PLEKHA8: variants seen among roughly 807,000 people sequenced by gnomAD.
PLEKHA8 encodes pleckstrin homology domain-containing family A member 8.
PLEKHA8 carries 36 observed loss-of-function variants against 68.2 expected under a neutral mutation model. That is an observed-to-expected ratio of 0.53 (90% CI 0.40 to 0.70). PLEKHA8 has a LOEUF of 0.70. Among genes scored for constraint, PLEKHA8 ranks in the 30% least tolerant of loss-of-function variants. PLEKHA8 has a pLI of 0.00. For synonymous variants in PLEKHA8, 211 were observed against 216.1 expected (o/e 0.98, Z 0.20); for missense variants, 505 against 615.4 (o/e 0.82, Z 1.90).
At chr7:30,042,831 A>C (rs756163759) in intron 1 of PLEKHA8, among the ~76,000 whole-genome samples, 1 of 152,190 alleles carries the variant, frequency 6.6e-6, no homozygotes, top group Non-Finnish European at 1.5e-5. Flanking sequence ...ACACTTTTGC[A>C]AAGGGCTGAA....
downstream of PLEKHA8, among the ~76,000 whole-genome samples, chr7:30,095,297 G>A (rs1439180502): frequency 6.6e-6 from 1 of 152,184 alleles, no homozygotes; most frequent in African/African-American, 2.4e-5. Flanking sequence ...ATTTTTTCAT[G>A]TGTTTTTTGG....
chr7:30,039,396 TC>T (rs1791350079), intron 1 of PLEKHA8, among the ~76,000 whole-genome samples: 1 of 152,050 alleles, frequency 6.6e-6, no homozygotes, highest in South Asian at 2.1e-4. Flanking sequence ...GCGCCTGTAA[TC>T]CCCACTACTC....
chr7:30,083,893 C>T lies in PLEKHA8; in HGVS notation c.*5106C>T. On this transcript the variant is annotated 3_prime_UTR_variant, in exon 14 of 14. Transcript: ENST00000449726. ...AAGTCGATCTTACCCACACAGACTC[C>T]TGTGTATGCGTGTCTGTTTATAGGT... 2 of 985,406 alleles carry T rather than the reference C, an allele frequency of 2.0e-6. No individual in the cohort carries two copies. The highest frequency in any genetic ancestry group is 2.4e-6 in the Non-Finnish European group (2 of 829,916). 61.0% of individuals were successfully genotyped at this position (985,406 alleles called of 1,614,324 possible). A position where few individuals can be genotyped will look rare whatever the true frequency, so the allele number is the denominator to read the frequency against.
At chr7:30,030,431 A>G (rs893306461) in intron 1 of PLEKHA8, among the ~76,000 whole-genome samples, 1 of 152,180 alleles carries the variant, frequency 6.6e-6, no homozygotes, top group Non-Finnish European at 1.5e-5. Flanking sequence ...CCTTCAATAA[A>G]GCAGAACTCT....
intron 12 of PLEKHA8, among the ~76,000 whole-genome samples, chr7:30,068,736 A>T (rs991938819): frequency 1.3e-5 from 2 of 152,086 alleles, no homozygotes; most frequent in East Asian, 3.9e-4. Flanking sequence ...TTCAGTTTTT[A>T]TGTAATCAGA....
chr7:30,092,677 T>A (rs1008085107), downstream of PLEKHA8, among the ~76,000 whole-genome samples: 7 of 152,204 alleles, frequency 4.6e-5, no homozygotes, highest in African/African-American at 1.7e-4. Context: ...TTGAATGAAC[T>A]GCCTTCTCCA....
Position 30,080,530 on chromosome 7 carries a change from G to T in PLEKHA8, c.*1743G>T, listed in dbSNP as rs1414504538. On this transcript the variant is annotated 3_prime_UTR_variant, in exon 14 of 14. Coordinates refer to ENST00000449726, the MANE Select transcript of PLEKHA8 (RefSeq NM_001197026.2). ...AGAAGTTTATGTAGGGAGGGGTATT[G>T]GTTTTGCCTTTGTGTGTCTTTAAAC... 13 of 985,172 alleles carry T rather than the reference G, an allele frequency of 1.3e-5. No individual in the cohort carries two copies. Among genetic ancestry groups the T allele is most frequent in the Non-Finnish European group, 1.6e-5 (13 of 829,896 alleles). 61.0% of individuals were successfully genotyped at this position (985,172 alleles called of 1,614,324 possible).
chr7:30,090,747 C>T (rs1432265566), downstream of PLEKHA8: 14 of 607,990 alleles, frequency 2.3e-5, no homozygotes, highest in East Asian at 1.4e-4. Flanking sequence ...AAAAGAAATA[C>T]GTATTGTTTC....
chr7:30,074,151 C>T lies in PLEKHA8; in HGVS notation c.1362+19C>T, dbSNP rs1794453530. The T allele has an allele frequency of 6.2e-7, 1 of 1,605,574 alleles. No homozygotes were observed. On this transcript the variant is annotated intron_variant, in intron 13 of 13. Coordinates refer to ENST00000449726, the MANE Select transcript of PLEKHA8 (RefSeq NM_001197026.2). ...TTTTGCGGTAAGTGATCCTTCTTGT[C>T]TCCTATTATTAACTGTATTGGGTAT... is the stretch of plus-strand genomic sequence containing the variant.
intron 13 of PLEKHA8, among the ~76,000 whole-genome samples, chr7:30,098,839 G>A (rs984345926): frequency 3.3e-5 from 5 of 152,164 alleles, no homozygotes; most frequent in African/African-American, 9.6e-5. Flanking sequence ...CCCACTGTCC[G>A]GCACTCCCCA....
At chr7:30,055,377 G>A (rs757600268) in intron 9 of PLEKHA8, 35 bp downstream of exon 9, 3 of 1,575,062 alleles carry the variant, frequency 1.9e-6, no homozygotes, top group Admixed American at 1.7e-5. Context: ...ATTCATTCAT[G>A]TCTAGAATCT....
chr7:30,050,639 A>G, intron 6 of PLEKHA8, 165 bp downstream of exon 6: 6 of 936,586 alleles, frequency 6.4e-6, no homozygotes, highest in Non-Finnish European at 8.9e-6. Context: ...AGCCTGAATC[A>G]ACCCAGAGCA....
intron 1 of PLEKHA8, among the ~76,000 whole-genome samples, chr7:30,029,512 A>G (rs79618068): frequency 1.3e-5 from 2 of 152,160 alleles, no homozygotes; most frequent in Non-Finnish European, 2.9e-5. Flanking sequence ...AAAGCTTCAT[A>G]TCTTGAGAAG....
At chr7:30,053,496 G>A (rs1583816885) in intron 7 of PLEKHA8, among the ~76,000 whole-genome samples, 1 of 151,934 alleles carries the variant, frequency 6.6e-6, no homozygotes, top group Non-Finnish European at 1.5e-5. Context: ...ATTTTTTCTC[G>A]ATGAATTGGG....
chr7:30,052,176 C>T (rs1050060011), intron 6 of PLEKHA8, among the ~76,000 whole-genome samples: 5 of 152,164 alleles, frequency 3.3e-5, no homozygotes, highest in African/African-American at 4.8e-5. Context: ...AAGATTGGGA[C>T]TGCTGAGGTG....
chr7:30,106,354 A>C (rs1378481671), intron 13 of PLEKHA8, among the ~76,000 whole-genome samples: 2 of 152,174 alleles, frequency 1.3e-5, no homozygotes, highest in Non-Finnish European at 2.9e-5. Context: ...ATGAGCCACC[A>C]TGCCTGGCCA....
Position 30,043,132 on chromosome 7 carries a change from G to C in PLEKHA8, c.41-1953G>C, listed in dbSNP as rs147674277. Among the ~76,000 whole-genome samples the C allele has an allele frequency of 1.7e-3, 253 of 152,230 alleles. 3 individuals are homozygous for C. Among genetic ancestry groups the C allele is most frequent in the African/African-American group, 5.8e-3 (242 of 41,532 alleles). On this transcript the variant is annotated intron_variant, in intron 1 of 13. Transcript: ENST00000449726. ...TCCTCTCACCTCAACCTCCTGCTGG[G>C]ACCACAGGTGTATGCCACCACTGTC...
intron 12 of PLEKHA8, among the ~76,000 whole-genome samples, chr7:30,064,370 G>A (rs1231376215): frequency 1.3e-5 from 2 of 152,054 alleles, no homozygotes; most frequent in African/African-American, 4.8e-5. Context: ...TATGCAACAC[G>A]GCAAAACTCC....
intron 13 of PLEKHA8, among the ~76,000 whole-genome samples, chr7:30,120,413 T>C (rs911785608): frequency 6.6e-6 from 1 of 152,214 alleles, no homozygotes; most frequent in Non-Finnish European, 1.5e-5. Context: ...TTTATTTGAA[T>C]ACAATTTAAA....
Sources: gnomAD v4.1 joint callset for allele counts (sites outside exome capture counted in the v4.1 genomes callset) on GRCh38, gnomAD v4.1.1 for gene constraint, MANE v1.5 for transcripts, NCBI Gene and HGNC (gene_info 2026-07-23, HGNC 2026-07-21) for gene names.